Variants in ABCD3 observed in about 807,000 individuals in gnomAD.
The protein encoded by ABCD3 is ATP-binding cassette sub-family D member 3.
Under a neutral mutation model 105.5 loss-of-function variants are expected in ABCD3, and 41 were observed. The observed-to-expected ratio is 0.39, with a 90% CI of 0.30 to 0.50. The LOEUF is 0.50. ABCD3 is among the 20% of genes least tolerant of loss of function. The pLI is 0.84. For missense variants in ABCD3, 622 were observed against 806.3 expected (o/e 0.77, Z 2.77); for synonymous variants, 258 against 269.0 (o/e 0.96, Z 0.40).
chr1:94,414,876 C>T (rs1165560270), upstream of ABCD3, among the ~76,000 whole-genome samples: 1 of 152,156 alleles, frequency 6.6e-6, no homozygotes, highest in Admixed American at 6.5e-5. Flanking sequence ...AACACATTAC[C>T]TTCCACAGTT....
At chr1:94,394,878 C>G in the ABCD3 span, among the ~76,000 whole-genome samples, 1 of 152,194 alleles carries the variant, frequency 6.6e-6, no homozygotes, top group Non-Finnish European at 1.5e-5. Context: ...TCCAATCAGG[C>G]TCTGTGTTTA....
chr1:94,465,108 A>G (rs1648075043), intron 3 of ABCD3, among the ~76,000 whole-genome samples: 1 of 152,144 alleles, frequency 6.6e-6, no homozygotes, highest in East Asian at 1.9e-4. Context: ...CAAAGGGCCA[A>G]GGAGGTGCCA....
chr1:94,492,601 T>C (rs1384843623), intron 16 of ABCD3, among the ~76,000 whole-genome samples: 1 of 152,182 alleles, frequency 6.6e-6, no homozygotes, highest in Non-Finnish European at 1.5e-5. Flanking sequence ...CTTCAGTCAC[T>C]TGAATGTTCC....
intron 1 of ABCD3, among the ~76,000 whole-genome samples, chr1:94,440,736 G>C (rs986599426): frequency 4.7e-4 from 72 of 152,138 alleles, no homozygotes; most frequent in Admixed American, 5.2e-4. Context: ...TTTGGGATTT[G>C]TAGAAATACT....
At chr1:94,421,522 C>G (rs1045765331) in intron 1 of ABCD3, among the ~76,000 whole-genome samples, 4 of 151,492 alleles carry the variant, frequency 2.6e-5, no homozygotes, top group African/African-American at 9.7e-5. Flanking sequence ...AAGGAAGTGT[C>G]TATTTCAGAA....
chr1:94,480,856 A>G (rs147503653), intron 9 of ABCD3, among the ~76,000 whole-genome samples: 177 of 152,260 alleles, frequency 1.2e-3, no homozygotes, highest in South Asian at 2.5e-3. Flanking sequence ...TTTTCTGTTA[A>G]TTTTACTTCA....
chr1:94,482,912 G>T, intron 9 of ABCD3: 1 of 458,024 alleles, frequency 2.2e-6, no homozygotes, highest in Admixed American at 3.5e-5. Context: ...CGTGCAGTAT[G>T]TCTTTTGCAG....
chr1:94,503,753 A>G (rs904136027), intron 20 of ABCD3, among the ~76,000 whole-genome samples: 15 of 151,462 alleles, frequency 9.9e-5, no homozygotes, highest in South Asian at 2.1e-4. Flanking sequence ...CTACCCATAT[A>G]TAAGTGTCAA....
chr1:94,396,534 TTCA>T, the ABCD3 span, among the ~76,000 whole-genome samples: 12 of 152,238 alleles, frequency 7.9e-5, no homozygotes, highest in African/African-American at 2.9e-4. Context: ...GAAGCTCCTC[TTCA>T]TCTTTCCTCT....
intron 3 of ABCD3, among the ~76,000 whole-genome samples, chr1:94,467,251 C>T (rs1004008835): frequency 6.6e-6 from 1 of 152,050 alleles, no homozygotes; most frequent in Non-Finnish European, 1.5e-5. Flanking sequence ...AATCCTCATT[C>T]TCTTTTTTGT....
At chr1:94,461,252 C>T (rs914194562) in intron 2 of ABCD3, among the ~76,000 whole-genome samples, 1 of 151,840 alleles carries the variant, frequency 6.6e-6, no homozygotes, top group African/African-American at 2.4e-5. Context: ...AGCAACTTAA[C>T]GTATTTTTTT....
At chr1:94,495,870 A>G (rs1011501402) in intron 16 of ABCD3, among the ~76,000 whole-genome samples, 4 of 152,344 alleles carry the variant, frequency 2.6e-5, no homozygotes, top group African/African-American at 9.6e-5. Flanking sequence ...ATTATTTTAT[A>G]TGATAACCTT....
At position 94,478,183 on chromosome 1, in the gene ABCD3, A is replaced by G. The variant is rs1037754739; in HGVS notation, c.628-76A>G. The G allele has an allele frequency of 1.2e-5, 11 of 885,420 alleles. No individual in the cohort carries two copies. The Admixed American group carries it at 1.5e-4, about 12-fold the overall frequency. 54.8% of individuals were successfully genotyped at this position (885,420 alleles called of 1,614,324 possible). A position where few individuals can be genotyped will look rare whatever the true frequency, so the allele number is the denominator to read the frequency against. On this transcript the variant is annotated intron_variant, in intron 7 of 22. Coordinates refer to ENST00000370214, the MANE Select transcript of ABCD3 (RefSeq NM_002858.4). ...TATATTAAATGTTTAATGACATTTT[A>G]TAGTTAACATGTTGTATTAGCTATC...
Position 94,517,226 on chromosome 1 carries a change from T to C in ABCD3, c.*97T>C. 1 of 952,330 alleles carries C rather than the reference T, an allele frequency of 1.1e-6. No homozygotes were observed. Among genetic ancestry groups the C allele is most frequent in the Non-Finnish European group, 1.7e-6 (1 of 603,078 alleles). 59.0% of individuals were successfully genotyped at this position (952,330 alleles called of 1,614,324 possible). The stretch of plus-strand genomic sequence containing the variant: ...TAAAATAAAGTTGAGCTTAGTTTTT[T>C]TTAAAAAAAAAAACAAAGCAACAAA... On this transcript the variant is annotated 3_prime_UTR_variant, in exon 23 of 23. Coordinates refer to ENST00000370214, the MANE Select transcript of ABCD3 (RefSeq NM_002858.4).
chr1:94,427,604 A>C lies in ABCD3; in HGVS notation c.110+9016A>C, dbSNP rs61772846. 9.1e-3 allele frequency among the ~76,000 whole-genome samples: 1,390 copies of C among 152,294 alleles called. 5 individuals carry two copies. The highest frequency in any genetic ancestry group is 0.014 in the Non-Finnish European group (920 of 68,024). Reference sequence around the variant, plus strand: ...TTGAATTATGAAGGAGAAAGATAGGATCTTCCTACATTTTCTTTGGAATTT... The same window carrying C: ...TTGAATTATGAAGGAGAAAGATAGGCTCTTCCTACATTTTCTTTGGAATTT... On this transcript the variant is annotated intron_variant, in intron 1 of 22. Transcript: ENST00000370214.
At chr1:94,430,576 T>A (rs1659634192) in intron 1 of ABCD3, among the ~76,000 whole-genome samples, 1 of 152,176 alleles carries the variant, frequency 6.6e-6, no homozygotes, top group Admixed American at 6.5e-5. Context: ...TGTTTTTGTC[T>A]GCCACCCTCC....
chr1:94,454,854 G>A (rs948752435), intron 1 of ABCD3, among the ~76,000 whole-genome samples: 1 of 152,130 alleles, frequency 6.6e-6, no homozygotes, highest in African/African-American at 2.4e-5. Flanking sequence ...GTTTTGCCAT[G>A]TTGGCCAGGC....
chr1:94,476,555 G>T (rs751405299), intron 7 of ABCD3, among the ~76,000 whole-genome samples: 133 of 152,160 alleles, frequency 8.7e-4, no homozygotes, highest in Non-Finnish European at 1.5e-3. Flanking sequence ...CTTTGCCTCT[G>T]GTCACAGTTG....
chr1:94,449,297 A>G (rs1022036801), intron 1 of ABCD3, among the ~76,000 whole-genome samples: 3 of 152,222 alleles, frequency 2.0e-5, no homozygotes, highest in Admixed American at 1.3e-4. Flanking sequence ...ATAGCCACCT[A>G]CTTGGGGACA....
Sources: allele counts gnomAD v4.1 joint callset (sites outside exome capture counted in the v4.1 genomes callset), GRCh38; gene constraint gnomAD v4.1.1; transcripts MANE v1.5; gene names NCBI Gene and HGNC (gene_info 2026-07-23, HGNC 2026-07-21).